Variants in MICU1 observed in about 807,000 individuals in gnomAD.
The protein encoded by MICU1 is mitochondrial calcium uptake 1.
MICU1 carries 45 observed loss-of-function variants against 56.8 expected under a neutral mutation model. That is an observed-to-expected ratio of 0.79 (90% CI 0.62 to 1.02). The LOEUF is 1.02. Among genes scored for constraint, MICU1 ranks in the 50% least tolerant of loss-of-function variants. MICU1 has a pLI of 0.00. For missense variants in MICU1, 504 were observed against 587.1 expected, an observed-to-expected ratio of 0.86 and a Z score of 1.46; for synonymous variants, 186 against 195.1, an observed-to-expected ratio of 0.95 and a Z score of 0.39.
intron 4 of MICU1, among the ~76,000 whole-genome samples, chr10:72,550,673 C>A (rs1473696923): frequency 1.3e-5 from 2 of 152,144 alleles, no homozygotes; most frequent in Non-Finnish European, 2.9e-5. Context: ...GATCATTCTT[C>A]TTTTTAAACA....
intron 1 of MICU1, among the ~76,000 whole-genome samples, chr10:72,577,974 A>T (rs1275687356): frequency 6.6e-6 from 1 of 152,230 alleles, no homozygotes; most frequent in East Asian, 1.9e-4. Context: ...AGGCAGCAGC[A>T]GGGTTTGGGA....
At chr10:72,370,984 T>C (rs1332013531) in intron 11 of MICU1, among the ~76,000 whole-genome samples, 1 of 151,932 alleles carries the variant, frequency 6.6e-6, no homozygotes, top group Non-Finnish European at 1.5e-5. Context: ...TGAGCAGAGA[T>C]GGCGTCACTG....
intron 3 of MICU1, among the ~76,000 whole-genome samples, chr10:72,561,347 T>C (rs995287115): frequency 6.6e-6 from 1 of 152,248 alleles, no homozygotes; most frequent in African/African-American, 2.4e-5. Flanking sequence ...TAGATGAAAC[T>C]GCTGGCACAG....
chr10:72,561,923 C>T (rs1840306408), intron 3 of MICU1, among the ~76,000 whole-genome samples: 1 of 152,166 alleles, frequency 6.6e-6, no homozygotes, highest in African/African-American at 2.4e-5. Context: ...GCAGAAATAA[C>T]TCAAATTATC....
At chr10:72,448,588 C>T (rs1865197129) in intron 8 of MICU1, among the ~76,000 whole-genome samples, 1 of 152,004 alleles carries the variant, frequency 6.6e-6, no homozygotes, top group Non-Finnish European at 1.5e-5. Flanking sequence ...ATTAAGTTGA[C>T]TGACAAGCAT....
intron 10 of MICU1, among the ~76,000 whole-genome samples, chr10:72,377,918 G>A (rs1001568452): frequency 1.3e-5 from 2 of 152,010 alleles, no homozygotes; most frequent in East Asian, 1.9e-4. Flanking sequence ...TACCCGATAC[G>A]GTTTAGATTT....
At chr10:72,472,099 T>C (rs924968646) in intron 8 of MICU1, among the ~76,000 whole-genome samples, 22 of 152,294 alleles carry the variant, frequency 1.4e-4, no homozygotes, top group Admixed American at 1.4e-3. Context: ...GGAAGCATAA[T>C]ACTTAAATGC....
intron 8 of MICU1, 31 bp from the exon 9 acceptor site, chr10:72,423,402 G>A (rs755813447): frequency 2.1e-5 from 33 of 1,605,388 alleles, no homozygotes; most frequent in Non-Finnish European, 2.6e-5. Flanking sequence ...ATGTTCCTAG[G>A]GTCAATGGAA....
intron 10 of MICU1, among the ~76,000 whole-genome samples, chr10:72,401,324 T>G (rs1212699050): frequency 6.6e-6 from 1 of 152,240 alleles, no homozygotes; most frequent in Non-Finnish European, 1.5e-5. Flanking sequence ...ATGTATATAC[T>G]GTGAAATAAT....
chr10:72,607,720 C>T (rs1841730989), intron 1 of MICU1, among the ~76,000 whole-genome samples: 1 of 151,770 alleles, frequency 6.6e-6, no homozygotes, highest in Non-Finnish European at 1.5e-5. Flanking sequence ...AGCAAATGAC[C>T]AAACCCAAGA....
At chr10:72,543,775 G>A (rs1187098464) in intron 4 of MICU1, among the ~76,000 whole-genome samples, 5 of 151,882 alleles carry the variant, frequency 3.3e-5, no homozygotes, top group African/African-American at 7.3e-5. Context: ...GCATGAACCC[G>A]GGAGGCAGAG....
chr10:72,609,551 G>A (rs1841783204), intron 1 of MICU1, among the ~76,000 whole-genome samples: 1 of 151,956 alleles, frequency 6.6e-6, no homozygotes, highest in Admixed American at 6.6e-5. Context: ...TGGCTAACAC[G>A]GTGAAACCCC....
At chr10:72,406,237 C>T (rs1041006261) in intron 10 of MICU1, among the ~76,000 whole-genome samples, 1 of 151,910 alleles carries the variant, frequency 6.6e-6, no homozygotes, top group African/African-American at 2.4e-5. Flanking sequence ...ATAATGGGAT[C>T]GAAAACCATA....
chr10:72,527,222 A>T (rs1488709874), intron 5 of MICU1, among the ~76,000 whole-genome samples: 1 of 152,166 alleles, frequency 6.6e-6, no homozygotes. Flanking sequence ...GTATTAAGGC[A>T]GTAAAATTTT....
intron 8 of MICU1, among the ~76,000 whole-genome samples, chr10:72,470,218 A>T (rs1439649994): frequency 1.3e-5 from 2 of 152,236 alleles, no homozygotes; most frequent in African/African-American, 4.8e-5. Flanking sequence ...AGGCCTCATT[A>T]GCACTAAAGC....
intron 1 of MICU1, among the ~76,000 whole-genome samples, chr10:72,590,840 TA>T (rs1271435021): frequency 1.1e-5 from 1 of 93,126 alleles, no homozygotes; most frequent in Admixed American, 1.0e-4. Flanking sequence ...AATAAATAAA[TA>T]AAAATTAAAA....
chr10:72,525,752 T>C (rs1426625405), intron 5 of MICU1, among the ~76,000 whole-genome samples: 1 of 152,176 alleles, frequency 6.6e-6, no homozygotes, highest in Non-Finnish European at 1.5e-5. Flanking sequence ...CAGCTATAAT[T>C]TGTAGAGCTA....
chr10:72,462,950 C>G (rs78934273), intron 8 of MICU1, among the ~76,000 whole-genome samples: 4,144 of 152,174 alleles, frequency 0.027, 180 homozygotes, highest in African/African-American at 0.096. Flanking sequence ...TATCTGATAA[C>G]AGGAAAATCC....
chr10:72,437,269 C>T (rs1444148014), intron 8 of MICU1, among the ~76,000 whole-genome samples: 2 of 152,044 alleles, frequency 1.3e-5, no homozygotes, highest in Non-Finnish European at 2.9e-5. Flanking sequence ...AAGAATTTAA[C>T]CCAGAATTTC....
Sources: gnomAD v4.1 joint callset for allele counts (sites outside exome capture counted in the v4.1 genomes callset) on GRCh38, gnomAD v4.1.1 for gene constraint, MANE v1.5 for transcripts, NCBI Gene and HGNC (gene_info 2026-07-23, HGNC 2026-07-21) for gene names.